The following NRXN1 variants were observed in gnomAD, a reference collection of about 807,000 sequenced individuals.
NRXN1 encodes neurexin-1.
Under a neutral mutation model 150.9 loss-of-function variants are expected in NRXN1, and 39 were observed. The ratio of observed to expected loss-of-function variants is 0.26; its 90% CI spans 0.20 to 0.34. NRXN1 has a LOEUF of 0.34. Among genes scored for constraint, NRXN1 ranks in the 10% least tolerant of loss-of-function variants. The pLI is 1.00. For synonymous variants in NRXN1, 924 were observed against 757.0 expected, an observed-to-expected ratio of 1.22 and a Z score of -3.62; for missense variants, 1,815 against 1,949.9, an observed-to-expected ratio of 0.93 and a Z score of 1.30.
intron 5 of NRXN1, among the ~76,000 whole-genome samples, chr2:50,765,196 T>G (rs896904142): frequency 3.0e-4 from 45 of 151,986 alleles, no homozygotes; most frequent in African/African-American, 1.0e-3. Flanking sequence ...AAACCTTACT[T>G]TCCTTCTCCT....
At chr2:50,638,952 C>A (rs1469160) in intron 5 of NRXN1, among the ~76,000 whole-genome samples, 28,452 of 151,974 alleles carry the variant, frequency 0.19, 3,161 homozygotes, top group Non-Finnish European at 0.26. Flanking sequence ...TCAATACACT[C>A]TTCTACTTGT....
At chr2:50,098,078 T>C (rs1700478347) in intron 18 of NRXN1, among the ~76,000 whole-genome samples, 2 of 152,096 alleles carry the variant, frequency 1.3e-5, no homozygotes, top group Admixed American at 6.6e-5. Flanking sequence ...ATACATGCCA[T>C]CCTCTAACCC....
chr2:51,025,504 C>T (rs924787363), intron 2 of NRXN1, among the ~76,000 whole-genome samples: 2 of 152,166 alleles, frequency 1.3e-5, no homozygotes, highest in Admixed American at 6.5e-5. Context: ...CCCTCCCACA[C>T]AGTACAAGCT....
intron 9 of NRXN1, among the ~76,000 whole-genome samples, chr2:50,551,044 GGAA>G (rs1462783758): frequency 1.5e-5 from 1 of 66,168 alleles, no homozygotes; most frequent in Non-Finnish European, 2.6e-5. Context: ...AAGAGGAAGA[GGAA>G]GAGGAAGAAG....
At chr2:50,767,826 T>C (rs1236569775) in intron 5 of NRXN1, among the ~76,000 whole-genome samples, 1 of 152,082 alleles carries the variant, frequency 6.6e-6, no homozygotes, top group Non-Finnish European at 1.5e-5. Context: ...ATTTTTTAAA[T>C]TACATTTTAA....
chr2:50,294,599 G>A (rs1352097073), intron 17 of NRXN1, among the ~76,000 whole-genome samples: 2 of 152,144 alleles, frequency 1.3e-5, no homozygotes, highest in Non-Finnish European at 2.9e-5. Context: ...GCATCAAGGA[G>A]GGACACCTGA....
rs150766072 is a variant in NRXN1 at position 50,037,065 on chromosome 2, G to T, written c.4128+16206C>A. On this transcript the variant is annotated intron_variant, in intron 21 of 22. Transcript: ENST00000401669. ...ACATCAAAAACTAAATGACACAAAA[G>T]GTTAGCTGAGAAACATTTTTTAAAG... Among the ~76,000 whole-genome samples, 384 of 152,168 alleles carry T rather than the reference G, an allele frequency of 2.5e-3. 3 individuals carry two copies. Among genetic ancestry groups the T allele is most frequent in the African/African-American group, 8.9e-3 (368 of 41,516 alleles).
intron 5 of NRXN1, among the ~76,000 whole-genome samples, chr2:50,822,552 T>G (rs1669891743): frequency 6.6e-6 from 1 of 152,124 alleles, no homozygotes; most frequent in East Asian, 1.9e-4. Context: ...TTAATGACCT[T>G]ACAGCCAAAT....
intron 8 of NRXN1, among the ~76,000 whole-genome samples, chr2:50,605,519 G>A (rs1003266915): frequency 6.6e-6 from 1 of 151,988 alleles, no homozygotes; most frequent in African/African-American, 2.4e-5. Context: ...TGGCCAACAG[G>A]TATGTAAAAA....
At chr2:50,974,780 T>G (rs1400596924) in intron 2 of NRXN1, among the ~76,000 whole-genome samples, 2 of 152,062 alleles carry the variant, frequency 1.3e-5, no homozygotes, top group Non-Finnish European at 2.9e-5. Flanking sequence ...AAAACTACAG[T>G]GCCTAATAAT....
chr2:50,315,813 T>C (rs1575055644), intron 17 of NRXN1, among the ~76,000 whole-genome samples: 1 of 152,138 alleles, frequency 6.6e-6, no homozygotes, highest in Admixed American at 6.6e-5. Flanking sequence ...TGAAGTTGTA[T>C]TCAGAGGTCA....
chr2:50,135,803 A>G (rs1434459516), intron 18 of NRXN1, among the ~76,000 whole-genome samples: 4 of 152,226 alleles, frequency 2.6e-5, no homozygotes, highest in Non-Finnish European at 5.9e-5. Flanking sequence ...TTAGACTTTC[A>G]TGTAGGAGAG....
chr2:50,076,506 T>A (rs1316023745), intron 19 of NRXN1, among the ~76,000 whole-genome samples: 1 of 152,166 alleles, frequency 6.6e-6, no homozygotes, highest in Admixed American at 6.5e-5. Flanking sequence ...TGTCCCCACT[T>A]TTTAGATTAG....
chr2:50,408,665 G>C (rs1356946740), intron 17 of NRXN1, among the ~76,000 whole-genome samples: 2 of 152,196 alleles, frequency 1.3e-5, no homozygotes, highest in African/African-American at 4.8e-5. Context: ...ATGTGTGTGT[G>C]TATGTCTGTG....
chr2:50,467,784 T>TC (rs903815397), intron 16 of NRXN1, among the ~76,000 whole-genome samples: 1 of 151,664 alleles, frequency 6.6e-6, no homozygotes, highest in East Asian at 1.9e-4. Flanking sequence ...GTTGTTTTTT[T>TC]CAACTTAGTT....
At chr2:50,675,107 A>G (rs1202532487) in intron 5 of NRXN1, among the ~76,000 whole-genome samples, 1 of 151,820 alleles carries the variant, frequency 6.6e-6, no homozygotes, top group African/African-American at 2.4e-5. Flanking sequence ...CATGAGAAAA[A>G]CCTTTCTGAG....
At chr2:50,587,554 C>T (rs1459297401) in intron 8 of NRXN1, among the ~76,000 whole-genome samples, 4 of 152,046 alleles carry the variant, frequency 2.6e-5, no homozygotes, top group African/African-American at 4.8e-5. Context: ...CTCATACCAT[C>T]GGTGATATGC....
chr2:50,110,205 T>C (rs1479242857), intron 18 of NRXN1, among the ~76,000 whole-genome samples: 1 of 151,880 alleles, frequency 6.6e-6, no homozygotes, highest in African/African-American at 2.4e-5. Context: ...AAATAAAGAA[T>C]GTTGGCCGGG....
At chr2:50,413,042 T>C (rs548231351) in intron 17 of NRXN1, among the ~76,000 whole-genome samples, 1 of 152,206 alleles carries the variant, frequency 6.6e-6, no homozygotes, top group Non-Finnish European at 1.5e-5. Context: ...TCATGAGGAA[T>C]ACACTACAAG....
Sources: allele counts gnomAD v4.1 joint callset (sites outside exome capture counted in the v4.1 genomes callset), GRCh38; gene constraint gnomAD v4.1.1; transcripts MANE v1.5; gene names NCBI Gene and HGNC (gene_info 2026-07-23, HGNC 2026-07-21).